LMTK2: variants seen among roughly 807,000 people sequenced by gnomAD.
The protein encoded by LMTK2 is serine/threonine-protein kinase LMTK2.
Under a neutral mutation model 127.5 loss-of-function variants are expected in LMTK2, and 37 were observed. That is an observed-to-expected ratio of 0.29 (90% confidence interval 0.22 to 0.38). LMTK2 has a LOEUF of 0.38. Among genes scored for constraint, LMTK2 ranks in the 10% least tolerant of loss-of-function variants. LMTK2 has a pLI of 1.00. For synonymous variants in LMTK2, 819 were observed against 810.1 expected (o/e 1.01, Z -0.19); for missense variants, 1,694 against 1,920.3 (o/e 0.88, Z 2.20).
chr7:98,164,957 G>T (rs918763469), intron 6 of LMTK2, among the ~76,000 whole-genome samples: 1 of 152,222 alleles, frequency 6.6e-6, no homozygotes, highest in African/African-American at 2.4e-5. Flanking sequence ...GTAAAACATG[G>T]AGTCAGTTTC....
Position 98,177,476 on chromosome 7 carries a change from G to A in LMTK2, c.791+5802G>A, listed in dbSNP as rs544114148. 3.8e-4 allele frequency among the ~76,000 whole-genome samples: 58 copies of A among 152,284 alleles called. 1 individual carries two copies. The South Asian group carries it at 0.012, about 31-fold the overall frequency. On this transcript the variant is annotated intron_variant, in intron 7 of 13. Coordinates refer to ENST00000297293, the MANE Select transcript of LMTK2 (RefSeq NM_014916.4). ...CAGTTCACTCAAAGAATTCCCATTC[G>A]AATCTGAACAGGGTTTTTATTTATT...
chr7:98,154,850 T>C lies in LMTK2; in HGVS notation c.543T>C (p.Thr181=), dbSNP rs1226494309. The C allele has an allele frequency of 6.2e-7, 1 of 1,610,538 alleles. No individual in the cohort carries two copies. Among genetic ancestry groups the C allele is most frequent in the Non-Finnish European group, 8.5e-7 (1 of 1,176,958 alleles). The change falls in exon 5 of 14, where the codon ACT becomes ACC. Residue 181 remains threonine (T), a synonymous_variant. Coordinates refer to ENST00000297293, the MANE Select transcript of LMTK2 (RefSeq NM_014916.4). ...GTGCCAACCCAAAGGAACAAGATAC[T>C]TTTTTGAAAAATGGAGAACCTTACT... ...KASANPKEQD[T]FLKNGEPYYI... is the part of the protein sequence containing the mutation.
intron 1 of LMTK2, among the ~76,000 whole-genome samples, chr7:98,120,114 AACAC>A (rs1323825462): frequency 6.6e-6 from 1 of 152,250 alleles, no homozygotes; most frequent in South Asian, 2.1e-4. Flanking sequence ...TTTGATGAAG[AACAC>A]CATAGGCTCT....
chr7:98,135,630 A>AT (rs1258758344), intron 1 of LMTK2, among the ~76,000 whole-genome samples: 1 of 152,190 alleles, frequency 6.6e-6, no homozygotes, highest in African/African-American at 2.4e-5. Flanking sequence ...ATAGATGAGG[A>AT]TTTTAAGGAA....
At chr7:98,153,479 C>T (rs1796885846) in intron 4 of LMTK2, among the ~76,000 whole-genome samples, 2 of 152,146 alleles carry the variant, frequency 1.3e-5, no homozygotes, top group South Asian at 4.1e-4. Flanking sequence ...AGAAGTTGTT[C>T]AGGGGGAAAT....
At chr7:98,202,529 G>A (rs1797718408) in intron 11 of LMTK2, among the ~76,000 whole-genome samples, 1 of 152,204 alleles carries the variant, frequency 6.6e-6, no homozygotes, top group South Asian at 2.1e-4. Flanking sequence ...TGTGCCATGT[G>A]TAAATGCTGT....
At chr7:98,155,804 T>C (rs1051978439) in intron 5 of LMTK2, among the ~76,000 whole-genome samples, 1 of 152,078 alleles carries the variant, frequency 6.6e-6, no homozygotes, top group Non-Finnish European at 1.5e-5. Flanking sequence ...AAAGAAATGA[T>C]AAAAGGAGGC....
chr7:98,133,171 G>A (rs1408973951), intron 1 of LMTK2, among the ~76,000 whole-genome samples: 1 of 152,196 alleles, frequency 6.6e-6, no homozygotes, highest in Non-Finnish European at 1.5e-5. Flanking sequence ...ACCTCATGTG[G>A]TGCTTGCTCT....
At chr7:98,145,759 C>T (rs1468641820) in intron 3 of LMTK2, among the ~76,000 whole-genome samples, 1 of 152,154 alleles carries the variant, frequency 6.6e-6, no homozygotes, top group Non-Finnish European at 1.5e-5. Flanking sequence ...TCTATATGTT[C>T]TCTTTCACTC....
intron 2 of LMTK2, among the ~76,000 whole-genome samples, chr7:98,140,111 T>C (rs35223269): frequency 1.5e-5 from 1 of 67,472 alleles, no homozygotes; most frequent in Non-Finnish European, 2.3e-5. Flanking sequence ...TCTTTCTTTC[T>C]TTCTTTCTTT....
chr7:98,167,381 T>C (rs1223223709), intron 6 of LMTK2, among the ~76,000 whole-genome samples: 1 of 151,958 alleles, frequency 6.6e-6, no homozygotes, highest in Non-Finnish European at 1.5e-5. Context: ...GCTATCACGG[T>C]TGGATTTATG....
intron 6 of LMTK2, among the ~76,000 whole-genome samples, chr7:98,168,804 A>G (rs932272795): frequency 1.3e-5 from 2 of 152,122 alleles, no homozygotes; most frequent in African/African-American, 4.8e-5. Flanking sequence ...GCTGCCATCT[A>G]GTGTCCTAAG....
chr7:98,155,865 G>C (rs1337194343), intron 5 of LMTK2, among the ~76,000 whole-genome samples: 1 of 152,086 alleles, frequency 6.6e-6, no homozygotes, highest in African/African-American at 2.4e-5. Context: ...TCCTTAAAAA[G>C]GCTGATTGTA....
rs555908971 is a variant in LMTK2 at position 98,194,407 on chromosome 7, C to T, written c.3942C>T (p.Thr1314=). 5.9e-5 allele frequency: 96 copies of T among 1,614,130 alleles called. 1 individual carries two copies. The South Asian group carries it at 8.0e-4, about 13-fold the overall frequency. ...TCAGCTCCGAGTCGGAGGACGAGAC[C>T]GAGCACCCCGTGCCCATCATCCTCA... is the stretch of plus-strand genomic sequence containing the variant. The part of the protein sequence containing the change: ...HSLSSESEDE[T]EHPVPIILSN... Residue 1314 remains threonine, a synonymous_variant, in exon 11 of 14, where the codon ACC becomes ACT. Coordinates refer to ENST00000297293, the MANE Select transcript of LMTK2 (RefSeq NM_014916.4). The surrounding 1 kb of genome is among the most constrained non-coding windows in gnomAD (Gnocchi z 5.4).
intron 7 of LMTK2, among the ~76,000 whole-genome samples, chr7:98,179,293 C>G (rs370803732): frequency 6.6e-6 from 1 of 152,224 alleles, no homozygotes; most frequent in Non-Finnish European, 1.5e-5. Context: ...AGCTCGACAT[C>G]GCCCAAGCTA....
At chr7:98,143,023 G>C (rs1302146429) in intron 3 of LMTK2, among the ~76,000 whole-genome samples, 1 of 152,174 alleles carries the variant, frequency 6.6e-6, no homozygotes, top group African/African-American at 2.4e-5. Flanking sequence ...AGGATGCAGA[G>C]CCATCACTGG....
chr7:98,148,492 C>CAAAA (rs1202150647), intron 3 of LMTK2, among the ~76,000 whole-genome samples: 2 of 135,374 alleles, frequency 1.5e-5, no homozygotes, highest in Non-Finnish European at 3.1e-5. Flanking sequence ...GACTCCGTCT[C>CAAAA]AAAAAAAAAA....
chr7:98,190,060 C>T (rs1018021938), intron 9 of LMTK2, among the ~76,000 whole-genome samples: 2 of 151,616 alleles, frequency 1.3e-5, no homozygotes, highest in Non-Finnish European at 2.9e-5. Flanking sequence ...GCAATTCTGC[C>T]AAATTTTTAG....
At chr7:98,148,502 AAAAAAT>A (rs1391904397) in intron 3 of LMTK2, among the ~76,000 whole-genome samples, 3 of 149,064 alleles carry the variant, frequency 2.0e-5, no homozygotes, top group Non-Finnish European at 4.5e-5. Flanking sequence ...CAAAAAAAAA[AAAAAAT>A]AATAATAATA....
Sources: allele counts gnomAD v4.1 joint callset (sites outside exome capture counted in the v4.1 genomes callset), GRCh38; gene constraint gnomAD v4.1.1; non-coding constraint Gnocchi (gnomAD v3.1); transcripts MANE v1.5; gene names NCBI Gene and HGNC (gene_info 2026-07-23, HGNC 2026-07-21).